The following BAZ2B variants were observed in gnomAD, a reference collection of about 807,000 sequenced individuals.
BAZ2B encodes the protein bromodomain adjacent to zinc finger domain 2B.
BAZ2B carries 91 observed loss-of-function variants against 246.0 expected under a neutral mutation model. The observed-to-expected ratio is 0.37, with a 90% CI of 0.31 to 0.44. The LOEUF (loss-of-function observed/expected upper bound fraction) is 0.44. Ranked by LOEUF, BAZ2B falls within the 20% of genes least tolerant of loss-of-function variation. BAZ2B has a pLI of 1.00. For missense variants in BAZ2B, 2,332 were observed against 2,533.7 expected (o/e 0.92, Z 1.71); for synonymous variants, 855 against 860.0 (o/e 0.99, Z 0.10).
At chr2:159,318,088 G>A (rs563617263), downstream of BAZ2B, among the ~76,000 whole-genome samples, 1 of 151,862 alleles carries the variant, frequency 6.6e-6, no homozygotes, top group Admixed American at 6.6e-5. Context: ...AGCCCCTGAG[G>A]CACCAGACAT....
intron 2 of BAZ2B, among the ~76,000 whole-genome samples, chr2:159,523,596 C>T (rs2084388110): frequency 1.3e-5 from 2 of 151,426 alleles, no homozygotes; most frequent in African/African-American, 4.9e-5. Context: ...CCCAGCTGCT[C>T]GGGAGGCTGA....
At chr2:159,708,098 G>C in the BAZ2B span, among the ~76,000 whole-genome samples, 1 of 152,046 alleles carries the variant, frequency 6.6e-6, no homozygotes, top group Non-Finnish European at 1.5e-5. Context: ...ATCACTTGAG[G>C]CTTGGAGTTT....
chr2:159,509,542 A>G (rs1256880837), intron 2 of BAZ2B, among the ~76,000 whole-genome samples: 1 of 152,204 alleles, frequency 6.6e-6, no homozygotes, highest in Non-Finnish European at 1.5e-5. Flanking sequence ...GCCAGTATTC[A>G]TTCAGCCTAA....
chr2:159,537,284 A>G (rs2086115805), intron 2 of BAZ2B, among the ~76,000 whole-genome samples: 2 of 152,234 alleles, frequency 1.3e-5, no homozygotes, highest in Non-Finnish European at 2.9e-5. Flanking sequence ...TTATTGTTTA[A>G]TGTGCATAGA....
chr2:159,488,053 A>T (rs1442152479), intron 2 of BAZ2B, among the ~76,000 whole-genome samples: 1 of 151,896 alleles, frequency 6.6e-6, no homozygotes, highest in East Asian at 1.9e-4. Flanking sequence ...TTTTTTTAAC[A>T]CAAAGAATTG....
intron 1 of BAZ2B, among the ~76,000 whole-genome samples, chr2:159,597,476 A>G (rs1159388033): frequency 1.3e-5 from 2 of 152,222 alleles, no homozygotes; most frequent in African/African-American, 4.8e-5. Context: ...GATCATCTAA[A>G]GAAACAAAAA....
intron 2 of BAZ2B, among the ~76,000 whole-genome samples, chr2:159,487,791 AAAAAG>A (rs1444903172): frequency 1.3e-5 from 2 of 152,002 alleles, no homozygotes; most frequent in Non-Finnish European, 2.9e-5. Context: ...AAAGAAAAAA[AAAAAG>A]AATTTAAAAA....
At chr2:159,430,506 T>C (rs1048738136) in intron 10 of BAZ2B, among the ~76,000 whole-genome samples, 1 of 152,212 alleles carries the variant, frequency 6.6e-6, no homozygotes, top group Non-Finnish European at 1.5e-5. Context: ...AGATTTTCGA[T>C]TGTGTGTGGG....
At chr2:159,545,916 G>C (rs1239880969) in intron 2 of BAZ2B, among the ~76,000 whole-genome samples, 3 of 152,062 alleles carry the variant, frequency 2.0e-5, no homozygotes, top group Non-Finnish European at 4.4e-5. Context: ...TACAACTACG[G>C]ATAAGGATAA....
chr2:159,344,108 G>A (rs1409060780), intron 31 of BAZ2B, among the ~76,000 whole-genome samples: 1 of 151,852 alleles, frequency 6.6e-6, no homozygotes, highest in Non-Finnish European at 1.5e-5. Context: ...ACATACTGTT[G>A]GTGGGAATGT....
chr2:159,692,559 A>G, the BAZ2B span, among the ~76,000 whole-genome samples: 1 of 152,192 alleles, frequency 6.6e-6, no homozygotes, highest in Non-Finnish European at 1.5e-5. Context: ...TATTGAAACA[A>G]GTCTGCAGAA....
At chr2:159,496,763 A>G (rs1476150113) in intron 2 of BAZ2B, among the ~76,000 whole-genome samples, 1 of 139,720 alleles carries the variant, frequency 7.2e-6, no homozygotes, top group African/African-American at 2.8e-5. Context: ...AGCCTGGGCA[A>G]CAAGAGGGAA....
intron 4 of BAZ2B, among the ~76,000 whole-genome samples, chr2:159,449,050 CTTAAAG>C (rs1485981064): frequency 6.6e-6 from 1 of 152,110 alleles, no homozygotes; most frequent in Non-Finnish European, 1.5e-5. Flanking sequence ...AGCCTCTCCC[CTTAAAG>C]TTAATGATGA....
intron 27 of BAZ2B, among the ~76,000 whole-genome samples, chr2:159,355,302 T>A (rs548725402): frequency 4.1e-4 from 62 of 152,218 alleles, no homozygotes; most frequent in Admixed American, 1.1e-3. Flanking sequence ...GTTGACAGTG[T>A]TACCACAAAC....
At chr2:159,704,838 G>A in the BAZ2B span, among the ~76,000 whole-genome samples, 1 of 152,040 alleles carries the variant, frequency 6.6e-6, no homozygotes, top group East Asian at 1.9e-4. Context: ...AAGTAGCTGG[G>A]ACTACAGGTG....
chr2:159,366,781 T>C (rs1037160366), intron 27 of BAZ2B, among the ~76,000 whole-genome samples: 1 of 152,222 alleles, frequency 6.6e-6, no homozygotes, highest in African/African-American at 2.4e-5. Context: ...CTGTGGTATA[T>C]TGTTTGTTTT....
rs183911572 is a variant in BAZ2B at position 159,473,123 on chromosome 2, G to A, written c.145+5452C>T. Among the ~76,000 whole-genome samples, 147 of 151,920 alleles carry A rather than the reference G, an allele frequency of 9.7e-4. 1 individual carries two copies. Among genetic ancestry groups the A allele is most frequent in the South Asian group, 4.4e-3 (21 of 4,798 alleles). ...GTGAATCTGTCTGGTCCTGGGCTTC[G>A]TTTGGTTGGTAGACTATTAGTTACT... On this transcript the variant is annotated intron_variant, in intron 3 of 36. Transcript: ENST00000392783.
intron 21 of BAZ2B, among the ~76,000 whole-genome samples, chr2:159,386,930 A>G (rs2062715966): frequency 6.6e-6 from 1 of 152,176 alleles, no homozygotes; most frequent in Non-Finnish European, 1.5e-5. Flanking sequence ...CCATATTAAC[A>G]AAACATGGAT....
At chr2:159,507,781 C>T (rs10206214) in intron 2 of BAZ2B, among the ~76,000 whole-genome samples, 39,487 of 151,950 alleles carry the variant, frequency 0.26, 5,235 homozygotes, top group South Asian at 0.35. Context: ...AAAGAAGGAA[C>T]TTAAACGTTT....
Sources: gnomAD v4.1 joint callset for allele counts (sites outside exome capture counted in the v4.1 genomes callset) on GRCh38, gnomAD v4.1.1 for gene constraint, MANE v1.5 for transcripts, NCBI Gene and HGNC (gene_info 2026-07-23, HGNC 2026-07-21) for gene names.